The following CAMKK2 variants were observed in gnomAD, a reference collection of about 807,000 sequenced individuals.
CAMKK2 encodes calcium/calmodulin dependent protein kinase kinase 2.
CAMKK2 carries 30 observed loss-of-function variants against 67.2 expected under a neutral mutation model. The ratio of observed to expected loss-of-function variants is 0.45; its 90% CI spans 0.33 to 0.61. The LOEUF (loss-of-function observed/expected upper bound fraction) is 0.61. Ranked by LOEUF, CAMKK2 falls within the 20% of genes least tolerant of loss-of-function variation. CAMKK2 has a pLI of 0.02. For synonymous variants in CAMKK2, 322 were observed against 326.2 expected, an observed-to-expected ratio of 0.99 and a Z score of 0.14; for missense variants, 643 against 802.0, an observed-to-expected ratio of 0.80 and a Z score of 2.39.
chr12:121,240,787 G>T lies in CAMKK2; in HGVS notation c.1679C>A (p.Pro560His), dbSNP rs1251265448. 1.9e-6 allele frequency: 3 copies of T among 1,609,734 alleles called. No individual in the cohort carries two copies. The highest frequency in any genetic ancestry group is 1.7e-6 in the Non-Finnish European group (2 of 1,179,086). Reference protein sequence around the residue: ...GGGSALVRGSPCVESCWAPAP... With the variant: ...GGGSALVRGSHCVESCWAPAP... ...GGGGGCCCAGCAACTTTCCACGCAG[G>T]GACTGCCTCTCACAAGAGCACTTCC... Residue 560 changes from proline (P) to histidine (H), a missense_variant, in exon 17 of 17, where the codon CCC becomes CAC. Transcript: ENST00000404169. The surrounding 1 kb of genome is among the most constrained non-coding windows in gnomAD (Gnocchi z 4.4).
At chr12:121,254,467 A>G (rs1891447750) in intron 9 of CAMKK2, among the ~76,000 whole-genome samples, 1 of 151,936 alleles carries the variant, frequency 6.6e-6, no homozygotes, top group South Asian at 2.1e-4. Flanking sequence ...GGAAAAAAAG[A>G]GCTAAGATGT....
rs1891228666 is a variant in CAMKK2 at position 121,253,528 on chromosome 12, C to T, written c.908-56G>A. Reference sequence around the variant, plus strand: ...AGGGGCAGGAAAACCTCGTGAGCACCTCTATGCGGCCACATGGCCTGGAGA... The same window carrying T: ...AGGGGCAGGAAAACCTCGTGAGCACTTCTATGCGGCCACATGGCCTGGAGA... On this transcript the variant is annotated intron_variant, in intron 9 of 16. Coordinates refer to ENST00000404169, the MANE Select transcript of CAMKK2 (RefSeq NM_001270485.2). The surrounding 1 kb of genome is among the most constrained non-coding windows in gnomAD (Gnocchi z 5.0). 7.0e-7 allele frequency: 1 copy of T among 1,430,484 alleles called. No homozygotes were observed. The highest frequency in any genetic ancestry group is 1.1e-5 in the South Asian group (1 of 87,374). The allele number at this position is 1,430,484 out of a possible 1,614,324, so 88.6% of individuals were successfully genotyped here.
At chr12:121,267,855 A>G (rs1356294082) in intron 5 of CAMKK2, among the ~76,000 whole-genome samples, 1 of 151,736 alleles carries the variant, frequency 6.6e-6, no homozygotes, top group Non-Finnish European at 1.5e-5. Context: ...ATCTATCAGC[A>G]TTCACCCCTC....
chr12:121,265,356 G>A (rs537548340), intron 5 of CAMKK2, among the ~76,000 whole-genome samples: 1 of 137,158 alleles, frequency 7.3e-6, no homozygotes, highest in African/African-American at 2.9e-5. Flanking sequence ...TGGAGAGAGG[G>A]GAAAGTGGTA....
intron 5 of CAMKK2, among the ~76,000 whole-genome samples, chr12:121,266,720 C>T (rs1379772740): frequency 6.6e-6 from 1 of 152,080 alleles, no homozygotes; most frequent in East Asian, 1.9e-4. Context: ...TCTTGAACTC[C>T]TGACCTCGTG....
chr12:121,245,067 G>T lies in CAMKK2; in HGVS notation c.1553+73C>A, dbSNP rs999248612. The T allele has an allele frequency of 9.5e-7, 1 of 1,050,214 alleles. No homozygotes were observed. The highest frequency in any genetic ancestry group is 1.4e-6 in the Non-Finnish European group (1 of 693,142). 65.1% of individuals were successfully genotyped at this position (1,050,214 alleles called of 1,614,324 possible). Reference sequence around the variant, plus strand: ...CTTCAGGGAGGACCTGTGCAGAGTGGTCTGGGCAGGGCTGCCCCAAGCCTA... The same window carrying T: ...CTTCAGGGAGGACCTGTGCAGAGTGTTCTGGGCAGGGCTGCCCCAAGCCTA... On this transcript the variant is annotated intron_variant, in intron 15 of 16. Transcript: ENST00000404169. This position sits in a 1 kb window ranked among gnomAD's most constrained non-coding sequence, Gnocchi z 5.8.
At chr12:121,252,355 G>A (rs576715057) in intron 11 of CAMKK2, among the ~76,000 whole-genome samples, 3 of 152,172 alleles carry the variant, frequency 2.0e-5, no homozygotes, top group Admixed American at 6.5e-5. Flanking sequence ...TGCAAGCTCC[G>A]CCTCCTGGGT....
At chr12:121,275,489 CAA>C (rs10669562) in intron 1 of CAMKK2, among the ~76,000 whole-genome samples, 4 of 63,968 alleles carry the variant, frequency 6.3e-5, no homozygotes, top group East Asian at 4.2e-4. Flanking sequence ...AAGACTGTCT[CAA>C]AAAAAAAAAA....
rs1183216193 is a variant in CAMKK2, at chr12:121,274,296, A to G, written c.231T>C (p.Asp77=). Reference sequence around the variant, plus strand: ...AGGTGTCAAGGGGGACCTCTTGGCCATCGGCCTCCAGGGGCCGGTCCCGCG... The same window carrying G: ...AGGTGTCAAGGGGGACCTCTTGGCCGTCGGCCTCCAGGGGCCGGTCCCGCG... The part of the protein sequence containing the change: ...GLARDRPLEA[D]GQEVPLDTSG... The change falls in exon 2 of 17, where the codon GAT becomes GAC. Residue 77 remains aspartate, a synonymous_variant. Coordinates refer to ENST00000404169, the MANE Select transcript of CAMKK2 (RefSeq NM_001270485.2). 5.0e-6 allele frequency: 8 copies of G among 1,612,282 alleles called. No individual in the cohort carries two copies. Among genetic ancestry groups the G allele is most frequent in the Non-Finnish European group, 6.8e-6 (8 of 1,179,130 alleles).
chr12:121,259,005 G>C (rs905848730), intron 7 of CAMKK2, among the ~76,000 whole-genome samples: 14 of 151,964 alleles, frequency 9.2e-5, no homozygotes, highest in Non-Finnish European at 1.9e-4. Context: ...CCCATGCCCA[G>C]CTAATTTTTG....
chr12:121,255,500 A>C, intron 9 of CAMKK2, 50 bp downstream of exon 9: 2 of 1,491,128 alleles, frequency 1.3e-6, no homozygotes, highest in Non-Finnish European at 1.8e-6. Context: ...ACCCACGCTC[A>C]GAATGCTAAC....
chr12:121,254,903 G>A (rs534820515), intron 9 of CAMKK2, among the ~76,000 whole-genome samples: 29 of 152,080 alleles, frequency 1.9e-4, no homozygotes, highest in African/African-American at 6.5e-4. Context: ...GTGTCTGTGT[G>A]GGTGTTGCCA....
At position 121,282,117 on chromosome 12, in the gene CAMKK2, T is replaced by C. The variant is rs79910871; in HGVS notation, c.-59-7532A>G. On this transcript the variant is annotated intron_variant, in intron 1 of 16. Coordinates refer to ENST00000404169, the MANE Select transcript of CAMKK2 (RefSeq NM_001270485.2). ...ATTAGGCTGAGACCTACAGGGTGAG[T>C]AGATACTAAAGGAGCAGGAACTTGT... 5.8e-3 allele frequency among the ~76,000 whole-genome samples: 874 copies of C among 151,572 alleles called. 12 individuals carry two copies. The highest frequency in any genetic ancestry group is 0.02 in the African/African-American group (809 of 41,262).
intron 14 of CAMKK2, among the ~76,000 whole-genome samples, chr12:121,246,206 CTTTAAT>C (rs1243748701): frequency 1.6e-5 from 2 of 126,486 alleles, no homozygotes; most frequent in African/African-American, 6.2e-5. Context: ...GAATTGTTCA[CTTTAAT>C]TTTATGTTAT....
At chr12:121,255,216 AAT>A (rs1258839313) in intron 9 of CAMKK2, among the ~76,000 whole-genome samples, 2 of 19,278 alleles carry the variant, frequency 1.0e-4, no homozygotes, top group African/African-American at 5.1e-4. Context: ...TTATATATAT[AAT>A]TTTATATATA....
In CAMKK2 at chr12:121,240,376, G is replaced by T; in HGVS notation, c.*323C>A. On this transcript the variant is annotated 3_prime_UTR_variant, in exon 17 of 17. Transcript: ENST00000404169. The surrounding 1 kb of genome is among the most constrained non-coding windows in gnomAD (Gnocchi z 4.4). ...CACAGTCACTTGGTATATCTGACGT[G>T]GTTCTGAAAATCACAATGAAGGATT... is the stretch of plus-strand genomic sequence containing the variant. 7.0e-7 allele frequency: 1 copy of T among 1,422,672 alleles called. No individual in the cohort carries two copies. The highest frequency in any genetic ancestry group is 9.5e-7 in the Non-Finnish European group (1 of 1,053,986). 88.1% of individuals were successfully genotyped at this position (1,422,672 alleles called of 1,614,324 possible).
intron 1 of CAMKK2, among the ~76,000 whole-genome samples, chr12:121,286,254 G>A (rs1337097980): frequency 6.6e-6 from 1 of 152,214 alleles, no homozygotes; most frequent in Non-Finnish European, 1.5e-5. Flanking sequence ...GCAGCTACAA[G>A]GCCTCTGGCA....
At chr12:121,255,330 T>TTTTA (rs1555251039) in intron 9 of CAMKK2, among the ~76,000 whole-genome samples, 10 of 5,606 alleles carry the variant, frequency 1.8e-3, no homozygotes, top group East Asian at 4.3e-3. Context: ...ATATATATAA[T>TTTTA]TATATATAAT....
chr12:121,297,676 C>T (rs1263332181), upstream of CAMKK2: 1 of 518,028 alleles, frequency 1.9e-6, no homozygotes. Flanking sequence ...CTCACTGACC[C>T]TGCCAAACAG....
Sources: gnomAD v4.1 joint callset for allele counts (sites outside exome capture counted in the v4.1 genomes callset) on GRCh38, gnomAD v4.1.1 for gene constraint, Gnocchi (gnomAD v3.1) non-coding constraint, MANE v1.5 for transcripts, NCBI Gene and HGNC (gene_info 2026-07-23, HGNC 2026-07-21) for gene names.